Variants in AGMO observed in about 807,000 individuals in gnomAD.
AGMO encodes alkylglycerol monooxygenase, also known as glyceryl-ether monooxygenase.
A neutral mutation model predicts 60.2 loss-of-function variants in AGMO; 75 were observed. The observed-to-expected ratio is 1.25, with a 90% confidence interval of 1.03 to 1.51. The LOEUF (loss-of-function observed/expected upper bound fraction) is 1.51, where lower values mean the gene tolerates loss of function less well. Among genes scored for constraint, AGMO ranks in the 40% most tolerant of loss-of-function variants. The pLI, the probability that AGMO is intolerant of heterozygous loss-of-function variation, is 0.00. For missense variants in AGMO, 763 were observed against 525.5 expected, an observed-to-expected ratio of 1.45 and a Z score of -4.42; for synonymous variants, 261 against 177.1, an observed-to-expected ratio of 1.47 and a Z score of -3.76.
chr7:15,553,210 T>C (rs1272865170), intron 2 of AGMO, among the ~76,000 whole-genome samples: 7 of 151,538 alleles, frequency 4.6e-5, no homozygotes, highest in African/African-American at 7.3e-5. Context: ...TTGGGAGATA[T>C]ACCTAATGCT....
At chr7:15,221,942 T>C (rs1369132094) in intron 12 of AGMO, among the ~76,000 whole-genome samples, 3 of 152,208 alleles carry the variant, frequency 2.0e-5, no homozygotes, top group African/African-American at 4.8e-5. Context: ...CATTACGTTT[T>C]CACTTTCCAA....
At chr7:15,255,534 C>A (rs201657010) in intron 12 of AGMO, among the ~76,000 whole-genome samples, 770 of 115,260 alleles carry the variant, frequency 6.7e-3, no homozygotes, top group South Asian at 7.9e-3. Flanking sequence ...TGTAAGAATA[C>A]AAAAAAAAAA....
In AGMO at chr7:15,385,478, C is replaced by G. The variant is rs749443521; in HGVS notation, c.1042G>C (p.Ala348Pro). The change falls in exon 10 of 13, where the codon GCA becomes CCA. Residue 348 changes from alanine to proline, a missense_variant. Ala to Pro is a conservative substitution (Grantham distance 27). Transcript: ENST00000342526. The stretch of plus-strand genomic sequence containing the variant: ...TCTGCAAAGGTCTCTTCATAAAATG[C>G]CAACATCAGAGCAAACTGTACAACT... ...YTVVQFALML[A>P]FYEETFADTA... The G allele has an allele frequency of 1.2e-6, 2 of 1,609,220 alleles. No individual in the cohort carries two copies. Among genetic ancestry groups the G allele is most frequent in the African/African-American group, 1.3e-5 (1 of 74,724 alleles).
chr7:15,157,379 G>A, the AGMO span, among the ~76,000 whole-genome samples: 3 of 152,206 alleles, frequency 2.0e-5, no homozygotes, highest in South Asian at 6.2e-4. Context: ...GGCAGAGTAT[G>A]TGTTATGTAA....
the AGMO span, among the ~76,000 whole-genome samples, chr7:15,182,246 T>G: frequency 1.3e-5 from 2 of 152,046 alleles, no homozygotes; most frequent in Non-Finnish European, 1.5e-5. Flanking sequence ...GATTTCAGTT[T>G]AGGAAAATGG....
intron 12 of AGMO, among the ~76,000 whole-genome samples, chr7:15,348,639 G>A (rs1436560566): frequency 1.3e-5 from 2 of 151,968 alleles, no homozygotes; most frequent in South Asian, 2.1e-4. Context: ...TGCAGTCAGA[G>A]AATCTACTTT....
intron 12 of AGMO, among the ~76,000 whole-genome samples, chr7:15,230,008 T>G (rs1159446281): frequency 1.3e-5 from 2 of 151,752 alleles, no homozygotes; most frequent in Non-Finnish European, 2.9e-5. Context: ...AAATTAAAAT[T>G]ATAATTTATA....
intron 12 of AGMO, among the ~76,000 whole-genome samples, chr7:15,270,274 T>C (rs1783555675): frequency 6.6e-6 from 1 of 152,112 alleles, no homozygotes; most frequent in African/African-American, 2.4e-5. Context: ...CCAACATCTG[T>C]TGTTTTTTGA....
chr7:15,473,631 A>G (rs1014413648), intron 3 of AGMO, among the ~76,000 whole-genome samples: 3 of 152,174 alleles, frequency 2.0e-5, no homozygotes, highest in African/African-American at 7.2e-5. Context: ...AGCTGGAAGC[A>G]TTCTCTGTGA....
At chr7:15,251,809 C>T (rs1337371986) in intron 12 of AGMO, among the ~76,000 whole-genome samples, 2 of 152,194 alleles carry the variant, frequency 1.3e-5, no homozygotes, top group Admixed American at 1.3e-4. Flanking sequence ...ACAGCTTTGC[C>T]TTACAACTTC....
At chr7:15,289,072 C>T (rs1784182995) in intron 12 of AGMO, among the ~76,000 whole-genome samples, 1 of 151,536 alleles carries the variant, frequency 6.6e-6, no homozygotes. Context: ...CTATTGTTTT[C>T]AAATCTTAAC....
intron 12 of AGMO, among the ~76,000 whole-genome samples, chr7:15,345,177 G>A (rs988879725): frequency 4.6e-5 from 7 of 152,136 alleles, no homozygotes; most frequent in African/African-American, 1.7e-4. Flanking sequence ...TATGGCCTGA[G>A]AACAAAATCC....
chr7:15,139,796 G>C, the AGMO span, among the ~76,000 whole-genome samples: 1 of 141,516 alleles, frequency 7.1e-6, no homozygotes, highest in East Asian at 2.0e-4. Flanking sequence ...GGGCTACAGA[G>C]CTGCTAGACC....
At chr7:15,507,190 C>G (rs1562542063) in intron 3 of AGMO, among the ~76,000 whole-genome samples, 1 of 151,932 alleles carries the variant, frequency 6.6e-6, no homozygotes, top group Non-Finnish European at 1.5e-5. Context: ...TCAGCATATA[C>G]AAACTCAAGA....
intron 3 of AGMO, among the ~76,000 whole-genome samples, chr7:15,523,040 A>G (rs1784043302): frequency 6.6e-6 from 1 of 152,238 alleles, no homozygotes; most frequent in Non-Finnish European, 1.5e-5. Context: ...AAGGATATGA[A>G]CAGACACATC....
At chr7:15,275,899 C>G (rs184845314) in intron 12 of AGMO, among the ~76,000 whole-genome samples, 1 of 151,750 alleles carries the variant, frequency 6.6e-6, no homozygotes, top group Non-Finnish European at 1.5e-5. Context: ...TGTTTTTTTC[C>G]ACCACTTTCA....
At chr7:15,366,493 CT>C (rs1248393635) in intron 10 of AGMO, among the ~76,000 whole-genome samples, 9 of 151,970 alleles carry the variant, frequency 5.9e-5, no homozygotes, top group Admixed American at 3.3e-4. Context: ...AAAGTTTTGA[CT>C]TTTATAATTT....
At chr7:15,341,181 A>G (rs1781835666) in intron 12 of AGMO, among the ~76,000 whole-genome samples, 1 of 152,172 alleles carries the variant, frequency 6.6e-6, no homozygotes, top group African/African-American at 2.4e-5. Flanking sequence ...AAATTTCTGC[A>G]GCCTGCTTGA....
intron 3 of AGMO, among the ~76,000 whole-genome samples, chr7:15,500,687 T>C (rs777791813): frequency 7.2e-5 from 11 of 152,112 alleles, no homozygotes; most frequent in Admixed American, 2.0e-4. Context: ...CTCAGTTTCC[T>C]TCAGTTCAGC....
Sources: gnomAD v4.1 joint callset for allele counts (sites outside exome capture counted in the v4.1 genomes callset) on GRCh38, gnomAD v4.1.1 for gene constraint, MANE v1.5 for transcripts, NCBI Gene and HGNC (gene_info 2026-07-23, HGNC 2026-07-21) for gene names.